The following TECPR2 variants were observed in gnomAD, a reference collection of about 807,000 sequenced individuals.
TECPR2 encodes the protein tectonin beta-propeller repeat containing 2, also known as tectonin beta-propeller repeat-containing protein 2.
TECPR2 carries 65 observed loss-of-function variants against 138.1 expected under a neutral mutation model. That is an observed-to-expected ratio of 0.47 (90% CI 0.39 to 0.58). The LOEUF is 0.58. TECPR2 is among the 20% of genes least tolerant of loss of function. The probability of loss-of-function intolerance (pLI) is 0.00; values close to 1 mark genes in which losing one functional copy is unlikely to be tolerated. For synonymous variants in TECPR2, 746 were observed against 749.8 expected (o/e 0.99, Z 0.08); for missense variants, 1,553 against 1,824.5 (o/e 0.85, Z 2.71).
intron 1 of TECPR2, among the ~76,000 whole-genome samples, chr14:102,365,118 C>T (rs1355605744): frequency 6.6e-6 from 1 of 152,214 alleles, no homozygotes; most frequent in Non-Finnish European, 1.5e-5. Context: ...GAATCTAGCA[C>T]AGTGCTTTGA....
At chr14:102,462,525 G>A (rs1227161150) in intron 16 of TECPR2, among the ~76,000 whole-genome samples, 2 of 152,222 alleles carry the variant, frequency 1.3e-5, no homozygotes, top group Non-Finnish European at 2.9e-5. Context: ...AGACACATGA[G>A]ATTTTCACAT....
In TECPR2 at chr14:102,430,555, C is replaced by T. The variant is rs76296295; in HGVS notation, c.1085-1241C>T. ...AGCAGCTAGCCCTGTGTCTGGCACA[C>T]GGAGGATCCCCGATAAAGAGAGGAT... On this transcript the variant is annotated intron_variant, in intron 7 of 19. Transcript: ENST00000359520. Among the ~76,000 whole-genome samples, 1,042 of 152,284 alleles carry T rather than the reference C, an allele frequency of 6.8e-3. 2 individuals are homozygous for T. Among genetic ancestry groups the T allele is most frequent in the African/African-American group, 0.021 (865 of 41,544 alleles).
At chr14:102,367,974 C>G (rs1157806139) in intron 1 of TECPR2, among the ~76,000 whole-genome samples, 2 of 68,172 alleles carry the variant, frequency 2.9e-5, no homozygotes, top group African/African-American at 1.3e-4. Flanking sequence ...TGCTGAACAT[C>G]TTTTTATGTG....
At position 102,495,839 on chromosome 14, in the gene TECPR2, C is replaced by T. The variant is rs575960625; in HGVS notation, c.3790-1140C>T. 1.6e-3 allele frequency among the ~76,000 whole-genome samples: 244 copies of T among 152,336 alleles called. 1 individual carries two copies. Among genetic ancestry groups the T allele is most frequent in the African/African-American group, 5.4e-3 (223 of 41,586 alleles). ...ATCAGCCCACAGTTAGGGGCCCCTG[C>T]CCAGAGCAGCCGGCGGGTGAGGATG... On this transcript the variant is annotated intron_variant, in intron 17 of 19. Coordinates refer to ENST00000359520, the MANE Select transcript of TECPR2 (RefSeq NM_014844.5).
intron 16 of TECPR2, among the ~76,000 whole-genome samples, chr14:102,453,401 A>G (rs1890196898): frequency 6.6e-6 from 1 of 150,964 alleles, no homozygotes; most frequent in Admixed American, 6.6e-5. Flanking sequence ...AATTGCTTGA[A>G]CCCGGGAGGC....
chr14:102,487,592 A>T (rs1891057703), intron 17 of TECPR2, among the ~76,000 whole-genome samples: 1 of 152,050 alleles, frequency 6.6e-6, no homozygotes, highest in African/African-American at 2.4e-5. Flanking sequence ...CCCAAGCTGG[A>T]GTGCAGTGGC....
intron 16 of TECPR2, among the ~76,000 whole-genome samples, chr14:102,460,605 C>CT (rs1491220954): frequency 6.8e-6 from 1 of 146,544 alleles, no homozygotes; most frequent in Non-Finnish European, 1.5e-5. Flanking sequence ...CAGAGCAAGA[C>CT]TCTGTCTCAA....
At chr14:102,407,033 TG>T (rs1595106722) in intron 2 of TECPR2, among the ~76,000 whole-genome samples, 2 of 152,050 alleles carry the variant, frequency 1.3e-5, no homozygotes, top group African/African-American at 4.8e-5. Context: ...CTAATTTTTG[TG>T]TTTTTAGTAG....
intron 2 of TECPR2, among the ~76,000 whole-genome samples, chr14:102,401,804 C>CAG (rs1888493079): frequency 5.8e-5 from 4 of 68,946 alleles, no homozygotes; most frequent in Admixed American, 2.1e-4. Flanking sequence ...GACTCCGTCT[C>CAG]AAAAAAAAAA....
chr14:102,387,491 A>G (rs1327225842), intron 2 of TECPR2, among the ~76,000 whole-genome samples: 1 of 151,848 alleles, frequency 6.6e-6, no homozygotes, highest in Non-Finnish European at 1.5e-5. Flanking sequence ...AGCATTCAAC[A>G]AGCCAATGAG....
At chr14:102,461,437 G>C (rs1463997412) in intron 16 of TECPR2, among the ~76,000 whole-genome samples, 1 of 152,016 alleles carries the variant, frequency 6.6e-6, no homozygotes, top group Admixed American at 6.6e-5. Context: ...GCCACTTTTT[G>C]TTTTAAAATG....
At chr14:102,464,456 C>T (rs1464946615) in intron 16 of TECPR2, among the ~76,000 whole-genome samples, 2 of 151,900 alleles carry the variant, frequency 1.3e-5, no homozygotes, top group Non-Finnish European at 2.9e-5. Flanking sequence ...GCAGTGGCAC[C>T]ATCACAGGTC....
intron 17 of TECPR2, among the ~76,000 whole-genome samples, chr14:102,478,069 C>CA (rs1890807347): frequency 6.7e-6 from 1 of 148,462 alleles, no homozygotes. Flanking sequence ...TTTTTAGAGA[C>CA]AGAGTCTCAC....
At chr14:102,380,971 C>A (rs1416276752) in intron 2 of TECPR2, among the ~76,000 whole-genome samples, 13 of 151,046 alleles carry the variant, frequency 8.6e-5, no homozygotes, top group Non-Finnish European at 1.8e-4. Context: ...AACCACTGCA[C>A]CAAGCTTGTT....
chr14:102,449,950 A>T, intron 14 of TECPR2, 81 bp downstream of exon 14: 1 of 1,562,054 alleles, frequency 6.4e-7, no homozygotes, highest in Non-Finnish European at 8.6e-7. Context: ...AAGCTTTAAG[A>T]TCTCAACTTG....
Position 102,419,289 on chromosome 14 carries a change from G to A in TECPR2, c.638+4496G>A, listed in dbSNP as rs1429183632. Among the ~76,000 whole-genome samples, 2 of 152,190 alleles carry A rather than the reference G, an allele frequency of 1.3e-5. No individual in the cohort carries two copies. Among genetic ancestry groups the A allele is most frequent in the Non-Finnish European group, 2.9e-5 (2 of 68,022 alleles). On this transcript the variant is annotated intron_variant, in intron 5 of 19. Transcript: ENST00000359520. This position sits in a 1 kb window ranked among gnomAD's most constrained non-coding sequence, Gnocchi z 4.8. ...CAGCCCTCCTCATCAGCAGGGCCAA[G>A]GGATTGGAAGGGCTGAAAGAGGAGT... is the stretch of plus-strand genomic sequence containing the variant.
intron 1 of TECPR2, among the ~76,000 whole-genome samples, chr14:102,364,798 GA>G (rs1246161865): frequency 6.6e-6 from 1 of 152,142 alleles, no homozygotes; most frequent in Non-Finnish European, 1.5e-5. Flanking sequence ...TTAGTGGGAA[GA>G]AAAGGAAGGA....
At chr14:102,410,731 A>G (rs1225558741) in intron 4 of TECPR2, among the ~76,000 whole-genome samples, 1 of 152,080 alleles carries the variant, frequency 6.6e-6, no homozygotes, top group Non-Finnish European at 1.5e-5. Flanking sequence ...CATCCCTACT[A>G]TCTTCTGTCT....
chr14:102,464,270 AGACTATTATCAAAT>A (rs1890492517), intron 16 of TECPR2, among the ~76,000 whole-genome samples: 1 of 152,256 alleles, frequency 6.6e-6, no homozygotes. Context: ...TCTTTTAGCC[AGACTATTATCAAAT>A]GTAATTTCTA....
Sources: allele counts gnomAD v4.1 joint callset (sites outside exome capture counted in the v4.1 genomes callset), GRCh38; gene constraint gnomAD v4.1.1; non-coding constraint Gnocchi (gnomAD v3.1); transcripts MANE v1.5; gene names NCBI Gene and HGNC (gene_info 2026-07-23, HGNC 2026-07-21).